The following ANXA2 variants were observed in gnomAD, a reference collection of about 807,000 sequenced individuals.
ANXA2 encodes annexin II.
ANXA2 carries 28 observed loss-of-function variants against 47.3 expected under a neutral mutation model. The observed-to-expected ratio is 0.59, with a 90% CI of 0.44 to 0.81. ANXA2 has a LOEUF of 0.81. Among genes scored for constraint, ANXA2 ranks in the 40% least tolerant of loss-of-function variants. The probability of loss-of-function intolerance (pLI) is 0.00; values close to 1 mark genes in which losing one functional copy is unlikely to be tolerated. For missense variants in ANXA2, 384 were observed against 414.3 expected, an observed-to-expected ratio of 0.93 and a Z score of 0.64; for synonymous variants, 172 against 155.5, an observed-to-expected ratio of 1.11 and a Z score of -0.79.
intron 5 of ANXA2, 76 bp from the exon 6 acceptor site, chr15:60,357,312 G>A: frequency 8.0e-7 from 1 of 1,248,990 alleles, no homozygotes; most frequent in Non-Finnish European, 1.2e-6. Context: ...TCTCCATCAA[G>A]TAAATTGCAA....
intron 1 of ANXA2, chr15:60,390,264 T>C: frequency 4.8e-6 from 5 of 1,048,818 alleles, no homozygotes; most frequent in Non-Finnish European, 5.8e-6. Context: ...GTGCCTTTTG[T>C]ATCCATATAA....
chr15:60,376,153 G>A (rs1328578864), intron 3 of ANXA2, among the ~76,000 whole-genome samples: 2 of 152,050 alleles, frequency 1.3e-5, no homozygotes, highest in Non-Finnish European at 2.9e-5. Flanking sequence ...TGAGGCAGGC[G>A]GATCACCTGA....
chr15:60,384,571 TAGCAA>T (rs2062907913), intron 2 of ANXA2: 1 of 152,238 alleles, frequency 6.6e-6, no homozygotes, highest in African/African-American at 2.4e-5. Context: ...TAAAACCTGA[TAGCAA>T]ATACAATCTA....
intron 1 of ANXA2, among the ~76,000 whole-genome samples, chr15:60,392,092 CA>C (rs753146565): frequency 2.0e-4 from 31 of 152,078 alleles, no homozygotes; most frequent in Non-Finnish European, 3.7e-4. Context: ...GAGCCATACC[CA>C]CCTCAAACTG....
intron 3 of ANXA2, among the ~76,000 whole-genome samples, chr15:60,371,063 G>A (rs900668382): frequency 6.6e-6 from 1 of 152,156 alleles, no homozygotes; most frequent in African/African-American, 2.4e-5. Context: ...AGAAGTTACA[G>A]TTTTCCAACA....
In ANXA2 at chr15:60,351,351, C is replaced by T. The variant is rs550169525; in HGVS notation, c.779-100G>A. 9.6e-5 allele frequency: 117 copies of T among 1,221,748 alleles called. 3 individuals carry two copies. In the South Asian group the frequency reaches 1.3e-3, roughly 14 times the overall value. 75.7% of individuals were successfully genotyped at this position (1,221,748 alleles called of 1,614,324 possible). A position where few individuals can be genotyped will look rare whatever the true frequency, so the allele number is the denominator to read the frequency against. On this transcript the variant is annotated intron_variant, in intron 10 of 12. Coordinates refer to ENST00000451270, the MANE Select transcript of ANXA2 (RefSeq NM_004039.3). Reference sequence around the variant, plus strand: ...GCCCTGGGCCACAAACCAGAAGTGACCTAATGCAATGGAAAAGGGCTGCAA... The same window carrying T: ...GCCCTGGGCCACAAACCAGAAGTGATCTAATGCAATGGAAAAGGGCTGCAA...
intron 3 of ANXA2, among the ~76,000 whole-genome samples, chr15:60,375,702 T>C (rs1408341919): frequency 6.6e-6 from 1 of 152,206 alleles, no homozygotes; most frequent in Non-Finnish European, 1.5e-5. Flanking sequence ...AAAACAATCC[T>C]GCATTTGGTT....
At position 60,381,879 on chromosome 15, in the gene ANXA2, T is replaced by G. The variant is rs549783531; in HGVS notation, c.148+463A>C. Among the ~76,000 whole-genome samples, 62 of 152,106 alleles carry G rather than the reference T, an allele frequency of 4.1e-4. No individual in the cohort carries two copies. In the South Asian group the frequency reaches 0.011, roughly 26 times the overall value. The stretch of plus-strand genomic sequence containing the variant: ...CAGAAGAGGGACTGAAGCCTCAAAG[T>G]GAAGAGCTGCACCCAAAAGCATACC... On this transcript the variant is annotated intron_variant, in intron 3 of 12. Coordinates refer to ENST00000451270, the MANE Select transcript of ANXA2 (RefSeq NM_004039.3).
At position 60,347,612 on chromosome 15, in the gene ANXA2, C is replaced by T. The variant is rs763376907; in HGVS notation, c.*18G>A. 8.7e-6 allele frequency: 14 copies of T among 1,613,926 alleles called. No homozygotes were observed. In the Admixed American group the frequency reaches 2.2e-4, roughly 25 times the overall value. On this transcript the variant is annotated 3_prime_UTR_variant, in exon 13 of 13. Transcript: ENST00000451270. The stretch of plus-strand genomic sequence containing the variant: ...GCATGGTGAGCACCATTTCTGGACG[C>T]TCAGGCCGTGTCGGGCTTCAGTCAT...
rs2062561760 is a variant in ANXA2, at chr15:60,364,409, A to G, written c.243+20T>C. ...AAAAATTCAACAAGAAATGCCCTCC[A>G]TCCCTGGAATTGCCTGTACCTTTTT... On this transcript the variant is annotated intron_variant, in intron 4 of 12. Coordinates refer to ENST00000451270, the MANE Select transcript of ANXA2 (RefSeq NM_004039.3). The G allele has an allele frequency of 6.3e-6, 10 of 1,593,290 alleles. No homozygotes were observed. In the African/African-American group the frequency reaches 1.1e-4, roughly 17 times the overall value.
intron 7 of ANXA2, among the ~76,000 whole-genome samples, chr15:60,354,804 C>A (rs754675374): frequency 8.5e-5 from 13 of 152,080 alleles, no homozygotes; most frequent in Non-Finnish European, 1.3e-4. Context: ...CCACAAAAAG[C>A]TGATGAGATT....
At chr15:60,389,900 G>T (rs867743661) in intron 1 of ANXA2, among the ~76,000 whole-genome samples, 3 of 152,168 alleles carry the variant, frequency 2.0e-5, no homozygotes, top group Non-Finnish European at 2.9e-5. Flanking sequence ...GCCTTTCACT[G>T]CCAGGGCACT....
Position 60,355,226 on chromosome 15 carries a change from T to C in ANXA2, c.528+693A>G, listed in dbSNP as rs147355261. 1.1e-3 allele frequency among the ~76,000 whole-genome samples: 173 copies of C among 152,216 alleles called. 1 individual carries two copies. The highest frequency in any genetic ancestry group is 3.4e-3 in the Middle Eastern group (1 of 294). ...ACAGAGGAGTAAAATGGTGAAAGTG[T>C]ATTTCACAGAGATCCGTGGATGGTG... On this transcript the variant is annotated intron_variant, in intron 7 of 12. Transcript: ENST00000451270.
At chr15:60,376,014 C>A (rs550384551) in intron 3 of ANXA2, among the ~76,000 whole-genome samples, 4 of 152,142 alleles carry the variant, frequency 2.6e-5, no homozygotes, top group Middle Eastern at 3.4e-3. Context: ...TGTAGAGGGC[C>A]GTGAACAGAG....
chr15:60,380,348 G>A (rs746953096), intron 3 of ANXA2, among the ~76,000 whole-genome samples: 8 of 151,982 alleles, frequency 5.3e-5, no homozygotes, highest in Non-Finnish European at 8.8e-5. Flanking sequence ...GTGAGTTGTG[G>A]AGCCAGCATT....
intron 2 of ANXA2, 54 bp downstream of exon 2, chr15:60,385,974 C>A: frequency 8.4e-7 from 1 of 1,197,138 alleles, no homozygotes; most frequent in African/African-American, 1.5e-5. Context: ...ATATGGTTAT[C>A]CAGAGAGATG....
At position 60,352,219 on chromosome 15, in the gene ANXA2, G is replaced by T. The variant is rs2062360703; in HGVS notation, c.682+164C>A. ...TGCAGAAACTATTTGCAAGAGAAAA[G>T]AATCCAGAATGGGAGAGAAAGGTGA... On this transcript the variant is annotated intron_variant, in intron 9 of 12. Coordinates refer to ENST00000451270, the MANE Select transcript of ANXA2 (RefSeq NM_004039.3). The surrounding 1 kb of genome is among the most constrained non-coding windows in gnomAD (Gnocchi z 4.2). Among the ~76,000 whole-genome samples the T allele has an allele frequency of 6.6e-6, 1 of 152,320 alleles. No individual in the cohort carries two copies. The highest frequency in any genetic ancestry group is 2.4e-5 in the African/African-American group (1 of 41,580).
intron 1 of ANXA2, among the ~76,000 whole-genome samples, chr15:60,392,483 A>G (rs1197009751): frequency 4.0e-5 from 6 of 149,972 alleles, no homozygotes; most frequent in Non-Finnish European, 8.9e-5. Context: ...CAAAAAAAGG[A>G]CAAGTGAAGC....
chr15:60,351,800 A>T lies in ANXA2; in HGVS notation c.702T>A (p.Ser234Arg). ...HLQKVFDRYKSYSPYDMLESI... is the reference protein window; with the variant it reads ...HLQKVFDRYKRYSPYDMLESI... ...TTTCCAACATGTCATAAGGGCTGTA[A>T]CTCTTGTACCTATCAAATACTGAGG... Residue 234 changes from serine to arginine, a missense_variant, in exon 10 of 13, where the codon AGT becomes AGA. Physicochemically the swap from Ser to Arg is moderately radical, Grantham distance 110. Coordinates refer to ENST00000451270, the MANE Select transcript of ANXA2 (RefSeq NM_004039.3). 6.2e-7 allele frequency: 1 copy of T among 1,612,570 alleles called. No individual in the cohort carries two copies. Among genetic ancestry groups the T allele is most frequent in the Non-Finnish European group, 8.5e-7 (1 of 1,178,672 alleles).
Sources: allele counts gnomAD v4.1 joint callset (sites outside exome capture counted in the v4.1 genomes callset), GRCh38; gene constraint gnomAD v4.1.1; non-coding constraint Gnocchi (gnomAD v3.1); transcripts MANE v1.5; gene names NCBI Gene and HGNC (gene_info 2026-07-23, HGNC 2026-07-21).